Variants in PSMA4 observed in about 807,000 individuals in gnomAD.
PSMA4 encodes the protein proteasome 20S subunit alpha 4.
Under a neutral mutation model 37.2 loss-of-function variants are expected in PSMA4, and 8 were observed. That is an observed-to-expected ratio of 0.22 (90% CI 0.13 to 0.39). The LOEUF (loss-of-function observed/expected upper bound fraction) is 0.39, where lower values mean the gene tolerates loss of function less well. PSMA4 is among the 10% of genes least tolerant of loss of function. PSMA4 has a pLI of 1.00. For missense variants in PSMA4, 169 were observed against 305.1 expected, an observed-to-expected ratio of 0.55 and a Z score of 3.32; for synonymous variants, 93 against 98.8, an observed-to-expected ratio of 0.94 and a Z score of 0.35.
At chr15:78,545,503 C>T in intron 6 of PSMA4, 131 bp from the exon 7 acceptor site, 2 of 1,042,512 alleles carry the variant, frequency 1.9e-6, no homozygotes, top group Non-Finnish European at 1.4e-6. Flanking sequence ...TCTATGGTAG[C>T]CAGAATACAA....
At chr15:78,548,664 CAT>C (rs2141380236) in intron 8 of PSMA4, 124 bp from the exon 9 acceptor site, 2 of 1,278,500 alleles carry the variant, frequency 1.6e-6, no homozygotes, top group South Asian at 4.0e-5. Flanking sequence ...AAGTATAAAA[CAT>C]AGGAGAGTGC....
At position 78,544,859 on chromosome 15, in the gene PSMA4, T is replaced by G. The variant is rs1208515559; in HGVS notation, c.288-10T>G. 1.9e-6 allele frequency: 3 copies of G among 1,579,966 alleles called. No homozygotes were observed. The highest frequency in any genetic ancestry group is 2.6e-6 in the Non-Finnish European group (3 of 1,151,478). On this transcript the variant is annotated splice_polypyrimidine_tract_variant and intron_variant, in intron 5 of 8. Coordinates refer to ENST00000044462, the MANE Select transcript of PSMA4 (RefSeq NM_002789.6). ...AGAAAACTACTAATGTGCCCATCTC[T>G]TTATCCTAGGTATTTATTACAGTAT...
intron 4 of PSMA4, 34 bp downstream of exon 4, chr15:78,542,679 AT>A (rs1431441407): frequency 5.1e-6 from 8 of 1,563,924 alleles, no homozygotes; most frequent in African/African-American, 4.1e-5. Flanking sequence ...TTTAAAAAAA[AT>A]CTCACTTTCT....
chr15:78,542,700 G>A (rs2052476648), intron 4 of PSMA4, 55 bp downstream of exon 4: 3 of 1,497,432 alleles, frequency 2.0e-6, no homozygotes, highest in African/African-American at 2.8e-5. Flanking sequence ...TCACATAAGT[G>A]GGATCTATGT....
At chr15:78,548,664 C>A in intron 8 of PSMA4, 126 bp from the exon 9 acceptor site, 1 of 1,278,490 alleles carries the variant, frequency 7.8e-7, no homozygotes, top group Non-Finnish European at 1.1e-6. Context: ...AAGTATAAAA[C>A]ATAGGAGAGT....
rs1023172739 is a variant in PSMA4, at chr15:78,551,082, A to T, written c.*2138A>T. On this transcript the variant is annotated 3_prime_UTR_variant, in exon 9 of 9. Transcript: ENST00000044462. ...AGGAACGCTGGTCCAATTCACCATT[A>T]TCTCTGACTTGGACTATTGCAACAG... The T allele has an allele frequency of 7.2e-5, 11 of 152,148 alleles. No homozygotes were observed. Among genetic ancestry groups the T allele is most frequent in the African/African-American group, 2.7e-4 (11 of 41,438 alleles). The allele number at this position is 152,148 out of a possible 1,614,324, so 9.4% of individuals were successfully genotyped here.
chr15:78,548,969 G>T lies in PSMA4; in HGVS notation c.*25G>T. The T allele has an allele frequency of 6.3e-7, 1 of 1,591,664 alleles. No individual in the cohort carries two copies. On this transcript the variant is annotated 3_prime_UTR_variant, in exon 9 of 9. Coordinates refer to ENST00000044462, the MANE Select transcript of PSMA4 (RefSeq NM_002789.6). ...GAATCAGAGATTTTATTACTCATTT[G>T]GGGCACCATTTCAGTGTAAAAGCAG...
At chr15:78,545,999 G>A (rs1403332615) in intron 7 of PSMA4, among the ~76,000 whole-genome samples, 1 of 152,170 alleles carries the variant, frequency 6.6e-6, no homozygotes, top group African/African-American at 2.4e-5. Flanking sequence ...ATTAGAAGCT[G>A]TGATTTTGTT....
In PSMA4 at chr15:78,549,642, C is replaced by T. The variant is rs1404046901; in HGVS notation, c.*698C>T. On this transcript the variant is annotated 3_prime_UTR_variant, in exon 9 of 9. Transcript: ENST00000044462. ...CGTAGCCATGGTGCTTTAGCATCAC[C>T]TATGCAGATTCTGATGTCCCATCCC... The T allele has an allele frequency of 6.6e-6, 1 of 152,226 alleles. No homozygotes were observed. The highest frequency in any genetic ancestry group is 1.5e-5 in the Non-Finnish European group (1 of 68,044). 9.4% of individuals were successfully genotyped at this position (152,226 alleles called of 1,614,324 possible).
Position 78,549,559 on chromosome 15 carries a change from T to C in PSMA4, c.*615T>C, listed in dbSNP as rs1596047728. On this transcript the variant is annotated 3_prime_UTR_variant, in exon 9 of 9. Coordinates refer to ENST00000044462, the MANE Select transcript of PSMA4 (RefSeq NM_002789.6). Reference sequence around the variant, plus strand: ...GTTGCTGGGGTTTGTTCAACCTGAGTTCCCTTGGCTATCTGTGGCTTCATG... The same window carrying C: ...GTTGCTGGGGTTTGTTCAACCTGAGCTCCCTTGGCTATCTGTGGCTTCATG... The C allele has an allele frequency of 6.6e-6, 1 of 152,278 alleles. No homozygotes were observed. Among genetic ancestry groups the C allele is most frequent in the Non-Finnish European group, 1.5e-5 (1 of 68,074 alleles). 9.4% of individuals were successfully genotyped at this position (152,278 alleles called of 1,614,324 possible).
chr15:78,547,315 G>A (rs1322751905), intron 8 of PSMA4, among the ~76,000 whole-genome samples: 1 of 152,150 alleles, frequency 6.6e-6, no homozygotes, highest in African/African-American at 2.4e-5. Context: ...TTAGTTAACA[G>A]TTATCAAGTC....
rs11551784 is a variant in PSMA4, at chr15:78,542,529, A to T, written c.93A>T (p.Ala31=). The change falls in exon 4 of 9, where the codon GCA becomes GCT. Residue 31 remains alanine, a synonymous_variant. Coordinates refer to ENST00000044462, the MANE Select transcript of PSMA4 (RefSeq NM_002789.6). ...VEYAMEAIGH[A]GTCLGILAND... Reference sequence around the variant, plus strand: ...ATGCCATGGAAGCTATTGGACATGCAGGCACCTGTTTGGGAATTTTAGCAA... The same window carrying T: ...ATGCCATGGAAGCTATTGGACATGCTGGCACCTGTTTGGGAATTTTAGCAA... The T allele has an allele frequency of 1.1e-5, 17 of 1,614,072 alleles. No homozygotes were observed. The Admixed American group carries it at 2.8e-4, about 27-fold the overall frequency.
Position 78,549,037 on chromosome 15 carries a change from G to C in PSMA4, c.*93G>C, listed in dbSNP as rs772219437. The stretch of plus-strand genomic sequence containing the variant: ...AGGAAGGCTTTACTTTTTTTAACTG[G>C]TGCAGTGGGAAAATAGGACATTACA... On this transcript the variant is annotated 3_prime_UTR_variant, in exon 9 of 9. Coordinates refer to ENST00000044462, the MANE Select transcript of PSMA4 (RefSeq NM_002789.6). 1.7e-5 allele frequency: 24 copies of C among 1,452,442 alleles called. No individual in the cohort carries two copies. The highest frequency in any genetic ancestry group is 2.1e-5 in the Non-Finnish European group (23 of 1,104,576). 90.0% of individuals were successfully genotyped at this position (1,452,442 alleles called of 1,614,324 possible).
rs368528101 is a variant in PSMA4 at position 78,542,592 on chromosome 15, C to A, written c.156C>A (p.Ile52=). 64 of 1,613,092 alleles carry A rather than the reference C, an allele frequency of 4.0e-5. No homozygotes were observed. The African/African-American group carries it at 7.9e-4, about 20-fold the overall frequency. ...GVLLAAERRN[I]HKLLDEVFFS... ...TGCTTGCAGCAGAGAGACGCAACAT[C>A]CACAAGCTTCTTGATGAAGTCTTTT... The change falls in exon 4 of 9, where the codon ATC becomes ATA. Residue 52 remains isoleucine (I), a synonymous_variant. Transcript: ENST00000044462.
chr15:78,543,700 C>G (rs2052498711), intron 4 of PSMA4: 1 of 152,192 alleles, frequency 6.6e-6, no homozygotes, highest in African/African-American at 2.4e-5. Context: ...GCCCAAGTAG[C>G]TGGGACTATA....
At chr15:78,548,692 A>G (rs766796244) in intron 8 of PSMA4, 98 bp from the exon 9 acceptor site, 38 of 1,486,442 alleles carry the variant, frequency 2.6e-5, no homozygotes, top group Non-Finnish European at 3.3e-5. Context: ...TAACGTTTCA[A>G]TGATGTGGCG....
At chr15:78,541,793 T>C in intron 1 of PSMA4, 112 bp from the exon 2 acceptor site, 2 of 892,732 alleles carry the variant, frequency 2.2e-6, no homozygotes, top group African/African-American at 1.7e-5. Flanking sequence ...TCTAGCATAA[T>C]GCCTGACACT....
chr15:78,551,285 C>T lies in PSMA4; in HGVS notation c.*2341C>T, dbSNP rs2052639591. The T allele has an allele frequency of 6.6e-6, 1 of 152,202 alleles. No homozygotes were observed. Among genetic ancestry groups the T allele is most frequent in the Non-Finnish European group, 1.5e-5 (1 of 68,102 alleles). 9.4% of individuals were successfully genotyped at this position (152,202 alleles called of 1,614,324 possible). A position where few individuals can be genotyped will look rare whatever the true frequency, so the allele number is the denominator to read the frequency against. ...TTCTTTGTACTGGTTCATGAGGTAT[C>T]CTGTATTCTGGCCTTGTGCTACCTT... is the stretch of plus-strand genomic sequence containing the variant. On this transcript the variant is annotated 3_prime_UTR_variant, in exon 9 of 9. Transcript: ENST00000044462.
rs768126358 is a variant in PSMA4 at position 78,542,292 on chromosome 15, A to G, written c.46+73A>G. 2.3e-5 allele frequency: 34 copies of G among 1,504,412 alleles called. 1 individual carries two copies. The highest frequency in any genetic ancestry group is 3.0e-5 in the Non-Finnish European group (33 of 1,108,140). The allele number at this position is 1,504,412 out of a possible 1,614,324, so 93.2% of individuals were successfully genotyped here. Reference sequence around the variant, plus strand: ...TTAGACTTTTAGAAAAAAAAATTACAAACTTTTTTTGGTAGTTGCAAAGTT... The same window carrying G: ...TTAGACTTTTAGAAAAAAAAATTACGAACTTTTTTTGGTAGTTGCAAAGTT... On this transcript the variant is annotated intron_variant, in intron 3 of 8. Coordinates refer to ENST00000044462, the MANE Select transcript of PSMA4 (RefSeq NM_002789.6).
Sources: gnomAD v4.1 joint callset for allele counts (sites outside exome capture counted in the v4.1 genomes callset) on GRCh38, gnomAD v4.1.1 for gene constraint, MANE v1.5 for transcripts, NCBI Gene and HGNC (gene_info 2026-07-23, HGNC 2026-07-21) for gene names.